Variants in RABGAP1L observed in about 807,000 individuals in gnomAD.
RABGAP1L encodes the protein rab GTPase-activating protein 1-like.
RABGAP1L carries 63 observed loss-of-function variants against 137.7 expected under a neutral mutation model. The ratio of observed to expected loss-of-function variants is 0.46; its 90% CI spans 0.37 to 0.56. The LOEUF (loss-of-function observed/expected upper bound fraction) is 0.56. RABGAP1L is among the 20% of genes least tolerant of loss of function. The pLI is 0.00. For synonymous variants in RABGAP1L, 431 were observed against 433.7 expected (o/e 0.99, Z 0.08); for missense variants, 1,095 against 1,244.0 (o/e 0.88, Z 1.80).
chr1:174,684,467 G>A (rs1003210242), intron 15 of RABGAP1L, among the ~76,000 whole-genome samples: 3 of 152,178 alleles, frequency 2.0e-5, no homozygotes, highest in African/African-American at 4.8e-5. Context: ...AATTGTACAC[G>A]GGGAGTGGTA....
chr1:174,607,537 T>A (rs1189650578), intron 13 of RABGAP1L, among the ~76,000 whole-genome samples: 1 of 152,152 alleles, frequency 6.6e-6, no homozygotes, highest in Non-Finnish European at 1.5e-5. Flanking sequence ...ATGCTGCATC[T>A]TTGTTGTTTA....
At chr1:174,220,825 T>A in intron 2 of RABGAP1L, 147 bp from the exon 3 acceptor site, 5 of 629,370 alleles carry the variant, frequency 7.9e-6, no homozygotes, top group Non-Finnish European at 1.2e-5. Flanking sequence ...TAATGTATTA[T>A]ATATGTGAAA....
chr1:174,170,670 T>TC (rs902242475), intron 1 of RABGAP1L, among the ~76,000 whole-genome samples: 3 of 83,614 alleles, frequency 3.6e-5, no homozygotes, highest in African/African-American at 1.9e-4. Context: ...AGACGCTGTT[T>TC]CAAAAAAAAA....
At chr1:174,222,179 G>T (rs1353718009) in intron 3 of RABGAP1L, among the ~76,000 whole-genome samples, 1 of 152,122 alleles carries the variant, frequency 6.6e-6, no homozygotes, top group Non-Finnish European at 1.5e-5. Context: ...ACTCTGATTG[G>T]ACCAGTGAAA....
intron 7 of RABGAP1L, among the ~76,000 whole-genome samples, chr1:174,270,213 G>A (rs1328389495): frequency 6.6e-6 from 1 of 150,638 alleles, no homozygotes; most frequent in African/African-American, 2.4e-5. Context: ...TTTTTTCCAG[G>A]CCAGGAAAAG....
intron 19 of RABGAP1L, among the ~76,000 whole-genome samples, chr1:174,880,956 A>G (rs1347153309): frequency 6.6e-6 from 1 of 152,182 alleles, no homozygotes; most frequent in African/African-American, 2.4e-5. Context: ...AAAGGAGAAA[A>G]GAAACAAATA....
At chr1:174,293,781 A>G (rs1405654356) in intron 10 of RABGAP1L, among the ~76,000 whole-genome samples, 3 of 152,128 alleles carry the variant, frequency 2.0e-5, no homozygotes, top group African/African-American at 4.8e-5. Flanking sequence ...TTGAGTGCCT[A>G]CAGTGTGGTA....
chr1:174,482,796 T>C (rs1659242983), intron 13 of RABGAP1L, among the ~76,000 whole-genome samples: 1 of 152,158 alleles, frequency 6.6e-6, no homozygotes, highest in African/African-American at 2.4e-5. Context: ...AATTGGTTGG[T>C]ACATATACAC....
At chr1:174,794,371 T>G (rs529924037) in intron 18 of RABGAP1L, among the ~76,000 whole-genome samples, 50 of 152,350 alleles carry the variant, frequency 3.3e-4, no homozygotes, top group East Asian at 2.5e-3. Flanking sequence ...ATAAACGCAA[T>G]GTATTTTTAC....
chr1:174,792,862 G>T (rs913747198), intron 18 of RABGAP1L, among the ~76,000 whole-genome samples: 1 of 152,230 alleles, frequency 6.6e-6, no homozygotes, highest in Admixed American at 6.5e-5. Context: ...GGCCAGTGCG[G>T]TGGCTCACGC....
intron 16 of RABGAP1L, chr1:174,700,423 G>T (rs777365939): frequency 1.3e-5 from 2 of 152,388 alleles, no homozygotes; most frequent in Non-Finnish European, 2.9e-5. Context: ...TATTGGGGAA[G>T]GGTAAAATGG....
At chr1:174,452,701 A>G (rs531363556) in intron 13 of RABGAP1L, among the ~76,000 whole-genome samples, 103 of 152,194 alleles carry the variant, frequency 6.8e-4, no homozygotes, top group African/African-American at 2.4e-3. Context: ...AGCTGGGACT[A>G]CAGGCAGCTG....
chr1:174,874,124 T>C (rs1057347496), intron 19 of RABGAP1L, among the ~76,000 whole-genome samples: 2 of 152,188 alleles, frequency 1.3e-5, no homozygotes, highest in Admixed American at 6.5e-5. Flanking sequence ...TTAAAAATCA[T>C]TGGAGATATT....
intron 13 of RABGAP1L, among the ~76,000 whole-genome samples, chr1:174,472,490 T>G (rs1261836816): frequency 6.6e-6 from 1 of 152,226 alleles, no homozygotes; most frequent in Non-Finnish European, 1.5e-5. Flanking sequence ...TAGTCCTCAT[T>G]GCTATATTTA....
chr1:174,622,814 C>G (rs1036102183), intron 13 of RABGAP1L, among the ~76,000 whole-genome samples: 4 of 152,204 alleles, frequency 2.6e-5, no homozygotes, highest in Middle Eastern at 3.2e-3. Flanking sequence ...TGTAACTAAC[C>G]TGCACGTTGT....
At chr1:174,181,108 C>A (rs1666316760) in intron 1 of RABGAP1L, among the ~76,000 whole-genome samples, 1 of 152,100 alleles carries the variant, frequency 6.6e-6, no homozygotes, top group Admixed American at 6.6e-5. Context: ...ACAACTAACA[C>A]CAGAAAAGTA....
chr1:174,451,705 T>C (rs1655474104), intron 13 of RABGAP1L, among the ~76,000 whole-genome samples: 1 of 152,330 alleles, frequency 6.6e-6, no homozygotes, highest in South Asian at 2.1e-4. Context: ...GAGTTTTATT[T>C]ATTTTTTTCT....
At chr1:174,949,771 G>A (rs1667441278) in intron 19 of RABGAP1L, among the ~76,000 whole-genome samples, 1 of 152,110 alleles carries the variant, frequency 6.6e-6, no homozygotes, top group African/African-American at 2.4e-5. Flanking sequence ...GAAGTGCCAA[G>A]GAGTTCCACA....
intron 13 of RABGAP1L, among the ~76,000 whole-genome samples, chr1:174,633,035 C>A (rs910095075): frequency 4.6e-5 from 7 of 152,022 alleles, no homozygotes; most frequent in Admixed American, 3.9e-4. Flanking sequence ...CTGGCCAGGG[C>A]AGTCAGGCAG....
Sources: allele counts gnomAD v4.1 joint callset (sites outside exome capture counted in the v4.1 genomes callset), GRCh38; gene constraint gnomAD v4.1.1; transcripts MANE v1.5; gene names NCBI Gene and HGNC (gene_info 2026-07-23, HGNC 2026-07-21).